Variants in DYNC2H1 observed in about 807,000 individuals in gnomAD.
DYNC2H1 encodes cytoplasmic dynein 2 heavy chain 1.
In DYNC2H1, 410 loss-of-function variants were observed where a neutral mutation model predicts 570.0. That is an observed-to-expected ratio of 0.72 (90% confidence interval 0.66 to 0.78). DYNC2H1 has a LOEUF of 0.78. Ranked by LOEUF, DYNC2H1 falls within the 30% of genes least tolerant of loss-of-function variation. The pLI is 0.00. For synonymous variants in DYNC2H1, 1,688 were observed against 1,677.6 expected, an observed-to-expected ratio of 1.01 and a Z score of -0.15; for missense variants, 4,865 against 5,046.4, an observed-to-expected ratio of 0.96 and a Z score of 1.09.
intron 79 of DYNC2H1, among the ~76,000 whole-genome samples, chr11:103,315,563 C>G (rs1240893632): frequency 2.0e-5 from 3 of 152,004 alleles, no homozygotes; most frequent in Non-Finnish European, 2.9e-5. Flanking sequence ...TACAAAAATT[C>G]TGTTAGTTTT....
intron 34 of DYNC2H1, among the ~76,000 whole-genome samples, chr11:103,171,365 C>T (rs576442488): frequency 2.0e-5 from 3 of 152,126 alleles, no homozygotes; most frequent in South Asian, 2.1e-4. Flanking sequence ...AAGCGATTCT[C>T]CTGCCTTAGC....
intron 54 of DYNC2H1, among the ~76,000 whole-genome samples, chr11:103,213,545 C>G (rs1021238990): frequency 6.6e-6 from 1 of 150,904 alleles, no homozygotes; most frequent in Non-Finnish European, 1.5e-5. Flanking sequence ...TATTTTGATT[C>G]ATACAAGAAT....
At chr11:103,190,069 T>C (rs1862233197) in intron 45 of DYNC2H1, among the ~76,000 whole-genome samples, 1 of 152,182 alleles carries the variant, frequency 6.6e-6, no homozygotes, top group Admixed American at 6.5e-5. Context: ...TGCTGTCAGC[T>C]CAAATTTTGC....
At chr11:103,154,412 T>C in intron 22 of DYNC2H1, 39 bp from the exon 23 acceptor site, 1 of 1,487,418 alleles carries the variant, frequency 6.7e-7, no homozygotes. Flanking sequence ...TCAATATTTC[T>C]GTTTTTAAAA....
At position 103,174,088 on chromosome 11, in the gene DYNC2H1, G is replaced by T; in HGVS notation, c.5592G>T (p.Trp1864Cys). 6.3e-7 allele frequency: 1 copy of T among 1,590,314 alleles called. No homozygotes were observed. Among genetic ancestry groups the T allele is most frequent in the East Asian group, 2.3e-5 (1 of 44,116 alleles). Reference sequence around the variant, plus strand: ...TGACACCTCAGCAACATTATGATTGGGGTTTGAGAGCTTTGAAGACAGTTC... The same window carrying T: ...TGACACCTCAGCAACATTATGATTGTGGTTTGAGAGCTTTGAAGACAGTTC... ...ELLTPQQHYD[W>C]GLRALKTVLR... Residue 1864 changes from tryptophan to cysteine, a missense_variant, in exon 36 of 89, where the codon TGG becomes TGT. By Grantham distance (215) the Trp-to-Cys change is radical (BLOSUM62 -2). Transcript: ENST00000375735.
Position 103,185,932 on chromosome 11 carries a change from T to C in DYNC2H1, c.6634-310T>C, listed in dbSNP as rs1862046578. On this transcript the variant is annotated intron_variant, in intron 41 of 88. Coordinates refer to ENST00000375735, the MANE Select transcript of DYNC2H1 (RefSeq NM_001377.3). The surrounding 1 kb of genome is among the most constrained non-coding windows in gnomAD (Gnocchi z 4.5). The stretch of plus-strand genomic sequence containing the variant: ...CAGAAATGAAGGGCTTTAGGATTTC[T>C]GCATTCTGTACTTTGTGATTTAATG... 6.6e-6 allele frequency among the ~76,000 whole-genome samples: 1 copy of C among 151,998 alleles called. No homozygotes were observed. Among genetic ancestry groups the C allele is most frequent in the Admixed American group, 6.6e-5 (1 of 15,200 alleles).
chr11:103,305,855 G>A lies in DYNC2H1; in HGVS notation c.11382+1135G>A, dbSNP rs1867259785. 1.3e-5 allele frequency among the ~76,000 whole-genome samples: 2 copies of A among 152,094 alleles called. No homozygotes were observed. The highest frequency in any genetic ancestry group is 4.1e-4 in the South Asian group (2 of 4,824). ...TCATGTAATTCTATTATGGCTTTCT[G>A]TAAAAATTACTAATGTGTAAAAATA... On this transcript the variant is annotated intron_variant, in intron 77 of 88. Transcript: ENST00000375735. This position sits in a 1 kb window ranked among gnomAD's most constrained non-coding sequence, Gnocchi z 4.3.
chr11:103,428,267 A>G (rs1381022113), intron 84 of DYNC2H1, among the ~76,000 whole-genome samples: 2 of 145,378 alleles, frequency 1.4e-5, no homozygotes, highest in Non-Finnish European at 3.0e-5. Context: ...TGGATGATGT[A>G]ATAAGTAACA....
Position 103,173,220 on chromosome 11 carries a change from A to G in DYNC2H1, c.5473A>G (p.Ile1825Val), listed in dbSNP as rs201860217. 4.4e-4 allele frequency: 700 copies of G among 1,602,844 alleles called. No individual in the cohort carries two copies. The highest frequency in any genetic ancestry group is 5.7e-4 in the Non-Finnish European group (668 of 1,174,686). Residue 1825 changes from isoleucine to valine, a missense_variant, in exon 35 of 89, where the codon ATT (isoleucine) becomes GTT (valine). Coordinates refer to ENST00000375735, the MANE Select transcript of DYNC2H1 (RefSeq NM_001377.3). ...TATGTCTCATCCAGACAATGAGCTT[A>G]TTGCAGAAGTTATTCTCTATTCGGA... ...VAMSHPDNEL[I>V]AEVILYSEGF...
At chr11:103,216,330 T>G (rs1308077751) in intron 55 of DYNC2H1, among the ~76,000 whole-genome samples, 1 of 152,224 alleles carries the variant, frequency 6.6e-6, no homozygotes, top group Non-Finnish European at 1.5e-5. Context: ...TGTTGAACCC[T>G]TTCAAGGGAG....
rs1202558809 is a variant in DYNC2H1 at position 103,163,748 on chromosome 11, T to C, written c.4611+601T>C. Among the ~76,000 whole-genome samples, 1 of 152,184 alleles carries C rather than the reference T, an allele frequency of 6.6e-6. No individual in the cohort carries two copies. Among genetic ancestry groups the C allele is most frequent in the Non-Finnish European group, 1.5e-5 (1 of 68,020 alleles). ...TTGTTTAATAGTTGGGCCAGACTGTTACAGGTGTAGGTCATCAGGAACTTT... is the reference window on the plus strand; with the variant it reads ...TTGTTTAATAGTTGGGCCAGACTGTCACAGGTGTAGGTCATCAGGAACTTT... On this transcript the variant is annotated intron_variant, in intron 30 of 88. Coordinates refer to ENST00000375735, the MANE Select transcript of DYNC2H1 (RefSeq NM_001377.3). The surrounding 1 kb of genome is among the most constrained non-coding windows in gnomAD (Gnocchi z 4.6).
At chr11:103,441,739 C>CT (rs1248910787) in intron 85 of DYNC2H1, among the ~76,000 whole-genome samples, 2 of 152,094 alleles carry the variant, frequency 1.3e-5, no homozygotes, top group African/African-American at 4.8e-5. Flanking sequence ...TAAATCTACC[C>CT]ATAAATATTA....
intron 59 of DYNC2H1, 117 bp from the exon 60 acceptor site, chr11:103,231,143 T>C (rs1863990954): frequency 3.7e-6 from 2 of 536,680 alleles, no homozygotes; most frequent in Non-Finnish European, 6.4e-6. Context: ...AAAGGTGTTA[T>C]AATACTGAGT....
At chr11:103,370,621 C>T (rs1385230457) in intron 83 of DYNC2H1, among the ~76,000 whole-genome samples, 1 of 152,186 alleles carries the variant, frequency 6.6e-6, no homozygotes, top group Non-Finnish European at 1.5e-5. Context: ...TGACTCAGAA[C>T]AGAGAGAGGG....
intron 59 of DYNC2H1, among the ~76,000 whole-genome samples, chr11:103,229,335 C>T (rs115033357): frequency 0.015 from 2,311 of 152,308 alleles, 63 homozygotes; most frequent in African/African-American, 0.051. Context: ...CTCTGTCTGT[C>T]TGAGTGGGAG....
chr11:103,210,997 G>A (rs527759621), intron 53 of DYNC2H1, among the ~76,000 whole-genome samples: 19 of 152,150 alleles, frequency 1.2e-4, no homozygotes, highest in African/African-American at 4.3e-4. Flanking sequence ...TTGGAAAATA[G>A]ATTGGTAATA....
chr11:103,147,222 G>A (rs1403241856), intron 18 of DYNC2H1, among the ~76,000 whole-genome samples: 1 of 151,992 alleles, frequency 6.6e-6, no homozygotes, highest in Non-Finnish European at 1.5e-5. Flanking sequence ...TAACAGTTCT[G>A]GGAATTCTGT....
chr11:103,200,303 G>A, intron 50 of DYNC2H1, 149 bp downstream of exon 50: 1 of 566,366 alleles, frequency 1.8e-6, no homozygotes, highest in East Asian at 3.3e-5. Flanking sequence ...GCTCATGGCA[G>A]GAGAATTGAG....
intron 11 of DYNC2H1, among the ~76,000 whole-genome samples, chr11:103,124,596 C>T (rs1391093823): frequency 1.3e-5 from 2 of 151,918 alleles, no homozygotes; most frequent in Non-Finnish European, 2.9e-5. Flanking sequence ...GCTATTATAG[C>T]CTTTACAAGA....
Sources: gnomAD v4.1 joint callset for allele counts (sites outside exome capture counted in the v4.1 genomes callset) on GRCh38, gnomAD v4.1.1 for gene constraint, Gnocchi (gnomAD v3.1) non-coding constraint, MANE v1.5 for transcripts, NCBI Gene and HGNC (gene_info 2026-07-23, HGNC 2026-07-21) for gene names.